SLC5A6: variants seen among roughly 807,000 people sequenced by gnomAD.
SLC5A6 encodes the protein solute carrier family 5 member 6, also known as sodium-dependent multivitamin transporter.
Under a neutral mutation model 67.9 loss-of-function variants are expected in SLC5A6, and 31 were observed. That is an observed-to-expected ratio of 0.46 (90% CI 0.34 to 0.62). The LOEUF (loss-of-function observed/expected upper bound fraction) is 0.62, where lower values mean the gene tolerates loss of function less well. Ranked by LOEUF, SLC5A6 falls within the 20% of genes least tolerant of loss-of-function variation. The pLI is 0.01. For synonymous variants in SLC5A6, 343 were observed against 331.0 expected, an observed-to-expected ratio of 1.04 and a Z score of -0.39; for missense variants, 673 against 812.8, an observed-to-expected ratio of 0.83 and a Z score of 2.09.
chr2:27,205,579 T>C, intron 6 of SLC5A6, 75 bp from the exon 7 acceptor site: 1 of 1,540,138 alleles, frequency 6.5e-7, no homozygotes, highest in African/African-American at 1.4e-5. Context: ...TATTTTGTTG[T>C]TGCTCCATTT....
chr2:27,203,849 T>C lies in SLC5A6; in HGVS notation c.1024A>G (p.Met342Val). 1.2e-6 allele frequency: 2 copies of C among 1,613,816 alleles called. No individual in the cohort carries two copies. Among genetic ancestry groups the C allele is most frequent in the Non-Finnish European group, 1.7e-6 (2 of 1,179,852 alleles). Reference sequence around the variant, plus strand: ...CCTGGCAGGCCCTTCAGGAGATCCATCACAAAGTACAGGACGAACTGCAAG... The same window carrying C: ...CCTGGCAGGCCCTTCAGGAGATCCACCACAAAGTACAGGACGAACTGCAAG... ...APDQFVLYFV[M>V]DLLKGLPGLP... The change falls in exon 10 of 17, where the codon ATG (methionine) becomes GTG (valine). Residue 342 changes from methionine (M) to valine (V), a missense_variant. Coordinates refer to ENST00000310574, the MANE Select transcript of SLC5A6 (RefSeq NM_021095.4).
At position 27,207,818 on chromosome 2, in the gene SLC5A6, C is replaced by T. The variant is rs1674186320; in HGVS notation, c.-140-28G>A. 3.1e-6 allele frequency: 2 copies of T among 647,220 alleles called. No homozygotes were observed. Among genetic ancestry groups the T allele is most frequent in the Non-Finnish European group, 5.3e-6 (2 of 379,276 alleles). The allele number at this position is 647,220 out of a possible 1,614,324, so 40.1% of individuals were successfully genotyped here. A position where few individuals can be genotyped will look rare whatever the true frequency, so the allele number is the denominator to read the frequency against. On this transcript the variant is annotated intron_variant, in intron 2 of 16. Coordinates refer to ENST00000310574, the MANE Select transcript of SLC5A6 (RefSeq NM_021095.4). This position sits in a 1 kb window ranked among gnomAD's most constrained non-coding sequence, Gnocchi z 5.5. ...GCAAAGGAATTAGCTCTTAGTGAGG[C>T]CTATCTGGCCTTGGTAGCCATTCAC...
At chr2:27,200,611 G>A in intron 16 of SLC5A6, 32 bp from the exon 17 acceptor site, 2 of 1,593,034 alleles carry the variant, frequency 1.3e-6, no homozygotes, top group South Asian at 1.1e-5. Context: ...GGTGGAACTG[G>A]TGAAGACGGA....
chr2:27,200,687 G>T, intron 16 of SLC5A6, 108 bp from the exon 17 acceptor site: 1 of 1,169,244 alleles, frequency 8.6e-7, no homozygotes, highest in Non-Finnish European at 1.2e-6. Context: ...GCAAGGCTGG[G>T]TTCGGGAGGG....
At chr2:27,205,877 G>A (rs1047176011) in intron 6 of SLC5A6, 149 bp downstream of exon 6, 1 of 678,412 alleles carries the variant, frequency 1.5e-6, no homozygotes, top group Non-Finnish European at 2.6e-6. Flanking sequence ...CATCCCCACT[G>A]CTAAATCCTA....
intron 10 of SLC5A6, 43 bp downstream of exon 10, chr2:27,203,736 G>T (rs1673828197): frequency 4.9e-6 from 7 of 1,414,304 alleles, no homozygotes; most frequent in Non-Finnish European, 7.0e-6. Context: ...ACCAAATAGG[G>T]GTCAGGTGCA....
chr2:27,211,847 C>T (rs1674531946), intron 1 of SLC5A6, 173 bp downstream of exon 1: 1 of 221,580 alleles, frequency 4.5e-6, no homozygotes, highest in Non-Finnish European at 8.7e-6. Flanking sequence ...CGCCCCGGCT[C>T]AGACGCCGCT....
chr2:27,204,539 G>A lies in SLC5A6; in HGVS notation c.927C>T (p.Cys309=). 5 of 1,614,042 alleles carry A rather than the reference G, an allele frequency of 3.1e-6. No individual in the cohort carries two copies. The highest frequency in any genetic ancestry group is 3.4e-6 in the Non-Finnish European group (4 of 1,179,946). ...PFQQVSLCVG[C]LIGLVMFAYY... is the part of the protein sequence containing the mutation. ...ACGCGAACATGACCAGGCCAATGAG[G>A]CAGCCCACGCAGAGGGACACCTGCT... Residue 309 remains cysteine (C), a synonymous_variant, in exon 9 of 17, where the codon TGC becomes TGT. Transcript: ENST00000310574.
Position 27,211,489 on chromosome 2 carries a change from GGAAGGTCCCTTT to G in SLC5A6, c.-175_-164del, listed in dbSNP as rs1376598714. ...TACCTCCGTGGTTCAGTCAGAGCTAGGAAGGTCCCTTTGTGCTTCCTGAGATCAACATCGCTC... is the reference window on the plus strand; with the variant it reads ...TACCTCCGTGGTTCAGTCAGAGCTAGGTGCTTCCTGAGATCAACATCGCTC... On this transcript the variant is annotated 5_prime_UTR_variant, in exon 2 of 17. Coordinates refer to ENST00000310574, the MANE Select transcript of SLC5A6 (RefSeq NM_021095.4). 1.3e-5 allele frequency: 2 copies of G among 152,424 alleles called. No individual in the cohort carries two copies. Among genetic ancestry groups the G allele is most frequent in the Non-Finnish European group, 2.9e-5 (2 of 68,074 alleles). 9.4% of individuals were successfully genotyped at this position (152,424 alleles called of 1,614,324 possible). A position where few individuals can be genotyped will look rare whatever the true frequency, so the allele number is the denominator to read the frequency against.
intron 5 of SLC5A6, 90 bp downstream of exon 5, chr2:27,206,393 C>G: frequency 3.2e-6 from 4 of 1,262,812 alleles, no homozygotes; most frequent in Non-Finnish European, 4.6e-6. Context: ...AGGTCAGGTT[C>G]TTTTCCACAT....
At position 27,202,887 on chromosome 2, in the gene SLC5A6, G is replaced by A. The variant is rs751375193; in HGVS notation, c.1208-7C>T. 6.2e-7 allele frequency: 1 copy of A among 1,613,530 alleles called. No individual in the cohort carries two copies. Among genetic ancestry groups the A allele is most frequent in the Non-Finnish European group, 8.5e-7 (1 of 1,179,878 alleles). ...AGCAGCCCATAGCCAAAGGCTGGGG[G>A]AAAAGGACAGGAGAGGAAACAAGAA... On this transcript the variant is annotated splice_polypyrimidine_tract_variant and splice_region_variant and intron_variant, in intron 11 of 16. Coordinates refer to ENST00000310574, the MANE Select transcript of SLC5A6 (RefSeq NM_021095.4).
chr2:27,205,328 C>T (rs374148018), intron 7 of SLC5A6, 22 bp downstream of exon 7: 2 of 1,611,070 alleles, frequency 1.2e-6, no homozygotes, highest in African/African-American at 2.7e-5. Flanking sequence ...CAGACCCCAG[C>T]CAGGAGTAGG....
At chr2:27,200,605 G>A in intron 16 of SLC5A6, 26 bp from the exon 17 acceptor site, 1 of 1,600,468 alleles carries the variant, frequency 6.2e-7, no homozygotes, top group Non-Finnish European at 8.5e-7. Context: ...CAAAGGGGTG[G>A]AACTGGTGAA....
At position 27,212,240 on chromosome 2, in the gene SLC5A6, C is replaced by T. The variant is rs1286773554; in HGVS notation, c.-428G>A. ...CGCAGAGCTCCACGAGCAGGAAAAGCCCCCAAGCAGCCCCAGGGCGACTGG... is the reference window on the plus strand; with the variant it reads ...CGCAGAGCTCCACGAGCAGGAAAAGTCCCCAAGCAGCCCCAGGGCGACTGG... On this transcript the variant is annotated 5_prime_UTR_variant, in exon 1 of 17. Transcript: ENST00000310574. 5 of 1,561,280 alleles carry T rather than the reference C, an allele frequency of 3.2e-6. No individual in the cohort carries two copies. Among genetic ancestry groups the T allele is most frequent in the Non-Finnish European group, 4.3e-6 (5 of 1,153,330 alleles).
chr2:27,207,167 G>A lies in SLC5A6; in HGVS notation c.393+91C>T. The A allele has an allele frequency of 7.3e-7, 1 of 1,367,120 alleles. No individual in the cohort carries two copies. Among genetic ancestry groups the A allele is most frequent in the South Asian group, 1.3e-5 (1 of 76,696 alleles). The allele number at this position is 1,367,120 out of a possible 1,614,324, so 84.7% of individuals were successfully genotyped here. On this transcript the variant is annotated intron_variant, in intron 3 of 16. Transcript: ENST00000310574. This position sits in a 1 kb window ranked among gnomAD's most constrained non-coding sequence, Gnocchi z 5.5. ...TCTGTCCCTCTCATTAGGTGGAGGA[G>A]GTCTAGGGTCCCAGGTCCTTCCTAT...
intron 6 of SLC5A6, 126 bp from the exon 7 acceptor site, chr2:27,205,630 G>A (rs1674004294): frequency 1.7e-6 from 2 of 1,193,966 alleles, no homozygotes; most frequent in South Asian, 2.6e-5. Context: ...GCAGCCTGAA[G>A]CCAGTTTTTA....
chr2:27,212,170 G>A lies in SLC5A6; in HGVS notation c.-358C>T, dbSNP rs376975254. 87 of 1,536,640 alleles carry A rather than the reference G, an allele frequency of 5.7e-5. 1 individual carries two copies. In the African/African-American group the frequency reaches 1.0e-3, roughly 18 times the overall value. ...CACTAAAGGGGAAAAGGAAGAGGGGGTCGGCCAGTATCCCCGAAAGAGGGC... is the reference window on the plus strand; with the variant it reads ...CACTAAAGGGGAAAAGGAAGAGGGGATCGGCCAGTATCCCCGAAAGAGGGC... On this transcript the variant is annotated 5_prime_UTR_variant, in exon 1 of 17. Coordinates refer to ENST00000310574, the MANE Select transcript of SLC5A6 (RefSeq NM_021095.4).
chr2:27,212,231 C>A lies in SLC5A6; in HGVS notation c.-419G>T. The A allele has an allele frequency of 6.4e-7, 1 of 1,561,002 alleles. No individual in the cohort carries two copies. Among genetic ancestry groups the A allele is most frequent in the Non-Finnish European group, 8.7e-7 (1 of 1,153,056 alleles). ...GAAGACCAGCGCAGAGCTCCACGAGCAGGAAAAGCCCCCAAGCAGCCCCAG... is the reference window on the plus strand; with the variant it reads ...GAAGACCAGCGCAGAGCTCCACGAGAAGGAAAAGCCCCCAAGCAGCCCCAG... On this transcript the variant is annotated 5_prime_UTR_variant, in exon 1 of 17. Coordinates refer to ENST00000310574, the MANE Select transcript of SLC5A6 (RefSeq NM_021095.4).
In SLC5A6 at chr2:27,200,565, A is replaced by C. The variant is rs1432660243; in HGVS notation, c.1779T>G (p.Thr593=). 1 of 1,612,866 alleles carries C rather than the reference A, an allele frequency of 6.2e-7. No individual in the cohort carries two copies. The highest frequency in any genetic ancestry group is 1.7e-5 in the Admixed American group (1 of 59,850). The change falls in exon 17 of 17, where the codon ACT becomes ACG. Residue 593 remains threonine, a synonymous_variant. Transcript: ENST00000310574. ...CRSYGQDHLD[T]GLFPEKPRNG... ...TCCTCGGCTTCTCAGGAAACAGGCC[A>C]GTGTCGAGGTGGTCCTGCAAACACA... is the stretch of plus-strand genomic sequence containing the variant.
Sources: gnomAD v4.1 joint callset for allele counts on GRCh38, gnomAD v4.1.1 for gene constraint, Gnocchi (gnomAD v3.1) non-coding constraint, MANE v1.5 for transcripts, NCBI Gene and HGNC (gene_info 2026-07-23, HGNC 2026-07-21) for gene names.